Variants in APOBEC3F observed in about 807,000 individuals in gnomAD.
APOBEC3F encodes the protein DNA dC->dU-editing enzyme APOBEC-3F.
Under a neutral mutation model 45.8 loss-of-function variants are expected in APOBEC3F, and 34 were observed. The observed-to-expected ratio is 0.74, with a 90% confidence interval of 0.57 to 0.99. The LOEUF (loss-of-function observed/expected upper bound fraction) is 0.99. Among genes scored for constraint, APOBEC3F ranks in the 50% least tolerant of loss-of-function variants. The pLI, the probability that APOBEC3F is intolerant of heterozygous loss-of-function variation, is 0.00. For missense variants in APOBEC3F, 459 were observed against 474.1 expected (o/e 0.97, Z 0.30); for synonymous variants, 192 against 174.4 (o/e 1.10, Z -0.80).
At chr22:39,046,657 G>A (rs1490553693) in intron 4 of APOBEC3F, among the ~76,000 whole-genome samples, 3 of 149,556 alleles carry the variant, frequency 2.0e-5, no homozygotes, top group South Asian at 2.1e-4. Context: ...TCCCTCTGTC[G>A]CCCAGGCTGG....
chr22:39,055,922 A>T lies in APOBEC3F; in HGVS notation c.*3227A>T, dbSNP rs1213052721. Among the ~76,000 whole-genome samples the T allele has an allele frequency of 6.6e-6, 1 of 152,172 alleles. No individual in the cohort carries two copies. The highest frequency in any genetic ancestry group is 1.5e-5 in the Non-Finnish European group (1 of 68,030). On this transcript the variant is annotated 3_prime_UTR_variant, in exon 7 of 7. Coordinates refer to ENST00000308521, the MANE Select transcript of APOBEC3F (RefSeq NM_145298.6). Reference sequence around the variant, plus strand: ...TTCTTCAGGGAGCTCCAATCTTCAGATGCAAGTCTGTCAACGCTCCCAGCT... The same window carrying T: ...TTCTTCAGGGAGCTCCAATCTTCAGTTGCAAGTCTGTCAACGCTCCCAGCT...
At chr22:39,044,894 C>T in intron 2 of APOBEC3F, 47 bp from the exon 3 acceptor site, 2 of 1,562,842 alleles carry the variant, frequency 1.3e-6, no homozygotes, top group Non-Finnish European at 1.7e-6. Flanking sequence ...CTGCACTCCT[C>T]CTGCTCCCCC....
Position 39,045,518 on chromosome 22 carries a change from A to T in APOBEC3F, c.542A>T (p.His181Leu), listed in dbSNP as rs762463440. 6.2e-7 allele frequency: 1 copy of T among 1,614,028 alleles called. No individual in the cohort carries two copies. Among genetic ancestry groups the T allele is most frequent in the Non-Finnish European group, 8.5e-7 (1 of 1,180,010 alleles). The part of the protein sequence containing the change: ...YKFDDNYAFL[H>L]RTLKEILRNP... ...TTCGATGACAATTATGCATTCCTGCACCGCACGCTAAAGGAGATTCTCAGG... is the reference window on the plus strand; with the variant it reads ...TTCGATGACAATTATGCATTCCTGCTCCGCACGCTAAAGGAGATTCTCAGG... The change falls in exon 4 of 7, where the codon CAC becomes CTC. Residue 181 changes from histidine to leucine, a missense_variant. By Grantham distance (99) the His-to-Leu change is moderately conservative (BLOSUM62 -3). Coordinates refer to ENST00000308521, the MANE Select transcript of APOBEC3F (RefSeq NM_145298.6).
chr22:39,042,881 C>T, intron 1 of APOBEC3F, 56 bp from the exon 2 acceptor site: 1 of 1,604,836 alleles, frequency 6.2e-7, no homozygotes, highest in Non-Finnish European at 8.5e-7. Context: ...GACATCAGCC[C>T]TGAGGGCTCC....
chr22:39,042,833 G>T, intron 1 of APOBEC3F, 104 bp from the exon 2 acceptor site: 1 of 1,512,300 alleles, frequency 6.6e-7, no homozygotes, highest in South Asian at 1.3e-5. Context: ...TGGAGGGGTT[G>T]GGGAGGCCCA....
chr22:39,053,927 C>G lies in APOBEC3F; in HGVS notation c.*1232C>G, dbSNP rs528823174. 6.6e-6 allele frequency: 1 copy of G among 152,234 alleles called. No individual in the cohort carries two copies. The highest frequency in any genetic ancestry group is 1.5e-5 in the Non-Finnish European group (1 of 68,052). 9.4% of individuals were successfully genotyped at this position (152,234 alleles called of 1,614,324 possible). On this transcript the variant is annotated 3_prime_UTR_variant, in exon 7 of 7. Coordinates refer to ENST00000308521, the MANE Select transcript of APOBEC3F (RefSeq NM_145298.6). ...AGTCTTGGACTCCTTGCTATAATCG[C>G]AGCTATTCAGCAATGGAACCTCCCA... is the stretch of plus-strand genomic sequence containing the variant.
Position 39,055,175 on chromosome 22 carries a change from C to G in APOBEC3F, c.*2480C>G, listed in dbSNP as rs769644281. On this transcript the variant is annotated 3_prime_UTR_variant, in exon 7 of 7. Transcript: ENST00000308521. The stretch of plus-strand genomic sequence containing the variant: ...GCAACCTCTGCCTTCCGAGTTCAAG[C>G]GATTCTCGTGCCTCAGCCTCCTGAG... Among the ~76,000 whole-genome samples, 1 of 151,480 alleles carries G rather than the reference C, an allele frequency of 6.6e-6. No individual in the cohort carries two copies. The highest frequency in any genetic ancestry group is 1.5e-5 in the Non-Finnish European group (1 of 67,954).
intron 4 of APOBEC3F, among the ~76,000 whole-genome samples, chr22:39,047,954 G>T (rs1927303122): frequency 6.6e-6 from 1 of 152,118 alleles, no homozygotes; most frequent in Admixed American, 6.6e-5. Context: ...AGGATGTGGG[G>T]GAGGGAATGG....
intron 1 of APOBEC3F, among the ~76,000 whole-genome samples, chr22:39,041,542 T>G (rs1926893653): frequency 6.6e-6 from 1 of 152,018 alleles, no homozygotes; most frequent in Non-Finnish European, 1.5e-5. Flanking sequence ...ACTATCAGCA[T>G]TCACTGTTTA....
chr22:39,055,078 T>TG lies in APOBEC3F; in HGVS notation c.*2383_*2384insG, dbSNP rs1262014396. On this transcript the variant is annotated 3_prime_UTR_variant, in exon 7 of 7. Transcript: ENST00000308521. ...TGGGGTCTCTCTGCTTCCAAATATC[T>TG]TTTTTTTTTTTTTCAGACAGTTTTG... is the stretch of plus-strand genomic sequence containing the variant. Among the ~76,000 whole-genome samples, 4 of 26,956 alleles carry TG rather than the reference T, an allele frequency of 1.5e-4. No homozygotes were observed. Among genetic ancestry groups the TG allele is most frequent in the Non-Finnish European group, 2.6e-4 (4 of 15,420 alleles). The allele number at this position is 26,956 out of a possible 152,430, so 17.7% of individuals were successfully genotyped here. A position where few individuals can be genotyped will look rare whatever the true frequency, so the allele number is the denominator to read the frequency against.
chr22:39,047,227 A>C (rs1601498487), intron 4 of APOBEC3F, among the ~76,000 whole-genome samples: 1 of 151,984 alleles, frequency 6.6e-6, no homozygotes, highest in Non-Finnish European at 1.5e-5. Context: ...GGAAGCAGAC[A>C]CCTGCCCCTC....
Position 39,049,598 on chromosome 22 carries a change from A to C in APOBEC3F, c.723+17A>C. The stretch of plus-strand genomic sequence containing the variant: ...CGAAACCAGGTAGCACCAAAGTCCT[A>C]TTTACACCCCAAATAGGAGCTAAGC... On this transcript the variant is annotated intron_variant, in intron 5 of 6. Coordinates refer to ENST00000308521, the MANE Select transcript of APOBEC3F (RefSeq NM_145298.6). 2 of 1,613,300 alleles carry C rather than the reference A, an allele frequency of 1.2e-6. No homozygotes were observed. Among genetic ancestry groups the C allele is most frequent in the Non-Finnish European group, 8.5e-7 (1 of 1,179,594 alleles).
rs540795914 is a variant in APOBEC3F, at chr22:39,054,144, C to T, written c.*1449C>T. On this transcript the variant is annotated 3_prime_UTR_variant, in exon 7 of 7. Coordinates refer to ENST00000308521, the MANE Select transcript of APOBEC3F (RefSeq NM_145298.6). ...TCTCCTGTCTCAGCCTCCCGAGTAG[C>T]TGGGATTACAGGCGTCCACCACCAA... Among the ~76,000 whole-genome samples the T allele has an allele frequency of 6.6e-6, 1 of 152,220 alleles. No homozygotes were observed. Among genetic ancestry groups the T allele is most frequent in the East Asian group, 1.9e-4 (1 of 5,184 alleles).
rs368674483 is a variant in APOBEC3F, at chr22:39,052,576, G to C, written c.1004-1G>C. The stretch of plus-strand genomic sequence containing the variant: ...ACTGCTTTCTCCTTGTTTTTTCTCA[G>C]ATTTTAAATATTGTTGGGAAAACTT... On this transcript the variant is annotated splice_acceptor_variant, in intron 6 of 6. Coordinates refer to ENST00000308521, the MANE Select transcript of APOBEC3F (RefSeq NM_145298.6). LOFTEE classifies it high-confidence loss of function. The C allele has an allele frequency of 1.9e-5, 31 of 1,611,736 alleles. No individual in the cohort carries two copies. The highest frequency in any genetic ancestry group is 2.5e-5 in the Non-Finnish European group (29 of 1,178,850).
In APOBEC3F at chr22:39,040,976, A is replaced by T. The variant is rs1175308133; in HGVS notation, c.16A>T (p.Arg6Ter). The part of the protein sequence containing the change: MKPHF[R>*]NTVERMYRDT... The stretch of plus-strand genomic sequence containing the variant: ...CCGGCCAAGGATGAAGCCTCACTTC[A>T]GGTACCGCTGCCCGCTCTACCCGCT... The change falls in exon 1 of 7, where the codon AGA (arginine) becomes TGA (stop). Residue 6 changes from arginine (R) to a stop codon, truncating the protein, a stop_gained and splice_region_variant. Coordinates refer to ENST00000308521, the MANE Select transcript of APOBEC3F (RefSeq NM_145298.6). LOFTEE classifies it high-confidence loss of function. 4 of 1,584,754 alleles carry T rather than the reference A, an allele frequency of 2.5e-6. No individual in the cohort carries two copies. The highest frequency in any genetic ancestry group is 3.4e-6 in the Non-Finnish European group (4 of 1,165,198).
chr22:39,041,509 C>A (rs1352614958), intron 1 of APOBEC3F, among the ~76,000 whole-genome samples: 3 of 152,072 alleles, frequency 2.0e-5, no homozygotes, highest in Non-Finnish European at 2.9e-5. Flanking sequence ...ATGCAGATGA[C>A]CCCAAACACA....
chr22:39,052,544 G>A (rs778077261), intron 6 of APOBEC3F, 33 bp from the exon 7 acceptor site: 1 of 1,598,036 alleles, frequency 6.3e-7, no homozygotes, highest in Admixed American at 1.7e-5. Context: ...AAGCCTGCTG[G>A]GCCCTCACTG....
At chr22:39,049,699 CTTTT>C (rs35594508) in intron 5 of APOBEC3F, 118 bp downstream of exon 5, 4,447 of 818,736 alleles carry the variant, frequency 5.4e-3, no homozygotes, top group East Asian at 8.2e-3. Context: ...TCTTACATTT[CTTTT>C]TTTTTTTTTT....
At chr22:39,051,205 C>G (rs548469454) in intron 5 of APOBEC3F, among the ~76,000 whole-genome samples, 1 of 149,776 alleles carries the variant, frequency 6.7e-6, no homozygotes, top group Non-Finnish European at 1.5e-5. Context: ...CCACTGCCCC[C>G]CAGCCTGGGT....
Sources: allele counts gnomAD v4.1 joint callset (sites outside exome capture counted in the v4.1 genomes callset), GRCh38; gene constraint gnomAD v4.1.1; transcripts MANE v1.5; gene names NCBI Gene and HGNC (gene_info 2026-07-23, HGNC 2026-07-21).